The following ARHGAP29 variants were observed in gnomAD, a reference collection of about 807,000 sequenced individuals.
ARHGAP29 encodes Rho GTPase activating protein 29.
ARHGAP29 carries 43 observed loss-of-function variants against 122.6 expected under a neutral mutation model. The observed-to-expected ratio is 0.35, with a 90% confidence interval of 0.27 to 0.45. ARHGAP29 has a LOEUF of 0.45. ARHGAP29 is among the 20% of genes least tolerant of loss of function. The pLI is 1.00. For synonymous variants in ARHGAP29, 506 were observed against 497.1 expected (o/e 1.02, Z -0.24); for missense variants, 1,303 against 1,477.2 (o/e 0.88, Z 1.93).
chr1:94,284,005 C>A, the ARHGAP29 span, among the ~76,000 whole-genome samples: 2 of 150,240 alleles, frequency 1.3e-5, no homozygotes, highest in African/African-American at 4.9e-5. Context: ...AAAAAATGAA[C>A]AATAAATCAC....
intron 12 of ARHGAP29, among the ~76,000 whole-genome samples, chr1:94,199,050 T>C (rs1163008377): frequency 1.3e-5 from 2 of 152,038 alleles, no homozygotes; most frequent in Non-Finnish European, 2.9e-5. Context: ...ATGGAATCAC[T>C]TGGACACAGG....
upstream of ARHGAP29, among the ~76,000 whole-genome samples, chr1:94,241,193 A>T (rs1195289374): frequency 6.6e-6 from 1 of 152,264 alleles, no homozygotes; most frequent in Non-Finnish European, 1.5e-5. Flanking sequence ...AACTTGTTAA[A>T]TTATGCCACA....
the ARHGAP29 span, among the ~76,000 whole-genome samples, chr1:94,300,850 T>A: frequency 6.6e-6 from 1 of 152,196 alleles, no homozygotes; most frequent in Non-Finnish European, 1.5e-5. Flanking sequence ...AGCAGATTAA[T>A]GAATAAATTA....
At chr1:94,195,341 G>A (rs1650388928) in intron 12 of ARHGAP29, 1 of 152,198 alleles carries the variant, frequency 6.6e-6, no homozygotes, top group Non-Finnish European at 1.5e-5. Flanking sequence ...TTCAGTTTAT[G>A]ACAGTGGTGC....
the ARHGAP29 span, among the ~76,000 whole-genome samples, chr1:94,304,142 T>A: frequency 6.6e-6 from 1 of 152,126 alleles, no homozygotes; most frequent in Non-Finnish European, 1.5e-5. Context: ...CCCACCTTTT[T>A]TGGGGGATGG....
rs574296141 is a variant in ARHGAP29, at chr1:94,211,093, T to C, written c.341-1743A>G. 1.9e-3 allele frequency among the ~76,000 whole-genome samples: 293 copies of C among 151,792 alleles called. 2 individuals are homozygous for C. The highest frequency in any genetic ancestry group is 6.8e-3 in the African/African-American group (282 of 41,446). ...TGAGCTCAGAAGTTCAAGACCAGCCTGGGCAACATGGCGAAACCCCATCTC... is the reference window on the plus strand; with the variant it reads ...TGAGCTCAGAAGTTCAAGACCAGCCCGGGCAACATGGCGAAACCCCATCTC... On this transcript the variant is annotated intron_variant, in intron 3 of 22. Coordinates refer to ENST00000260526, the MANE Select transcript of ARHGAP29 (RefSeq NM_004815.4).
In ARHGAP29 at chr1:94,231,541, A is replaced by T. The variant is rs774714155; in HGVS notation, c.71T>A (p.Ile24Asn). ...AWASGQLSTD[I>N]TTSEMGLKSL... is the part of the protein sequence containing the mutation. ...CTTGAGCCCCATTTCAGAAGTTGTA[A>T]TATCAGTAGAGAGTTGACCTGATGC... is the stretch of plus-strand genomic sequence containing the variant. The change falls in exon 2 of 23, where the codon ATT (isoleucine) becomes AAT (asparagine). Residue 24 changes from isoleucine (I) to asparagine (N), a missense_variant. This residue lies in a region of ARHGAP29 where 592 missense variants were observed against 648.2 expected (regional missense o/e 0.91). Coordinates refer to ENST00000260526, the MANE Select transcript of ARHGAP29 (RefSeq NM_004815.4). The T allele has an allele frequency of 2.5e-6, 4 of 1,613,734 alleles. No homozygotes were observed. Among genetic ancestry groups the T allele is most frequent in the African/African-American group, 1.3e-5 (1 of 74,922 alleles).
intron 17 of ARHGAP29, 61 bp from the exon 18 acceptor site, chr1:94,185,121 T>G: frequency 6.8e-7 from 1 of 1,468,350 alleles, no homozygotes; most frequent in Non-Finnish European, 9.2e-7. Flanking sequence ...CTGGGCAAAC[T>G]GCAGGTGGAA....
chr1:94,241,891 G>T (rs1229385884), upstream of ARHGAP29, among the ~76,000 whole-genome samples: 4 of 151,690 alleles, frequency 2.6e-5, no homozygotes, highest in East Asian at 7.7e-4. Context: ...TGAGAGATGG[G>T]ATCATAAACA....
At chr1:94,233,075 G>A (rs1486441844) in intron 1 of ARHGAP29, among the ~76,000 whole-genome samples, 11 of 151,474 alleles carry the variant, frequency 7.3e-5, no homozygotes, top group Admixed American at 6.6e-4. Flanking sequence ...CACCCATGTA[G>A]CTGGGACTCC....
chr1:94,178,063 A>G lies in ARHGAP29; in HGVS notation c.2585T>C (p.Ile862Thr), dbSNP rs368604781. The G allele has an allele frequency of 5.1e-5, 82 of 1,614,062 alleles. No homozygotes were observed. The highest frequency in any genetic ancestry group is 6.7e-5 in the Non-Finnish European group (79 of 1,180,030). ...RPRPTTAPIT[I>T]SSLAEYSNQA... is the part of the protein sequence containing the mutation. ...ATTTGAATACTCTGCAAGGGAGGAG[A>G]TGGTGATAGGAGCAGTTGTGGGCCT... Residue 862 changes from isoleucine (I) to threonine (T), a missense_variant, in exon 21 of 23, where the codon ATC becomes ACC. Ile to Thr is a moderately conservative substitution (Grantham distance 89, BLOSUM62 -1). Around this residue, in one of 3 missense-constraint regions of ARHGAP29, gnomAD observed 620 missense variants for 651.2 expected, o/e 0.95. Transcript: ENST00000260526.
At chr1:94,274,207 T>A (rs540207229) in intron 1 of ARHGAP29, among the ~76,000 whole-genome samples, 2 of 152,286 alleles carry the variant, frequency 1.3e-5, no homozygotes, top group African/African-American at 4.8e-5. Flanking sequence ...GGCCTTACAG[T>A]CTCTGGGTCT....
At chr1:94,271,944 G>C (rs1557897709) in intron 1 of ARHGAP29, among the ~76,000 whole-genome samples, 1 of 152,182 alleles carries the variant, frequency 6.6e-6, no homozygotes, top group Non-Finnish European at 1.5e-5. Flanking sequence ...CCCCCATCTT[G>C]GCAGGAGTAA....
At chr1:94,253,509 T>A (rs2100699890) in intron 1 of ARHGAP29, among the ~76,000 whole-genome samples, 1 of 152,334 alleles carries the variant, frequency 6.6e-6, no homozygotes, top group East Asian at 1.9e-4. Context: ...TTTACTCCTA[T>A]TATTTTGGAG....
chr1:94,241,650 A>ATT (rs1653579446), upstream of ARHGAP29, among the ~76,000 whole-genome samples: 1 of 143,742 alleles, frequency 7.0e-6, no homozygotes. Flanking sequence ...AATTATATAT[A>ATT]TATCTTATAT....
At chr1:94,185,283 A>C (rs985139789) in intron 17 of ARHGAP29, 59 bp downstream of exon 17, 2 of 1,495,230 alleles carry the variant, frequency 1.3e-6, no homozygotes, top group African/African-American at 2.9e-5. Context: ...AAAATTAAAA[A>C]CAAAAAAGTA....
chr1:94,205,524 G>T, intron 6 of ARHGAP29, 111 bp downstream of exon 6: 1 of 1,001,600 alleles, frequency 1.0e-6, no homozygotes, highest in Non-Finnish European at 1.5e-6. Flanking sequence ...ATATCATTTT[G>T]CATTAAAAAT....
chr1:94,276,044 GGCCAGGAGTTCGA>G (rs959523481), upstream of ARHGAP29, among the ~76,000 whole-genome samples: 5 of 152,074 alleles, frequency 3.3e-5, no homozygotes, highest in Non-Finnish European at 5.9e-5. Context: ...GATTACTTGA[GGCCAGGAGTTCGA>G]GACAAGCCTA....
At chr1:94,198,353 G>A (rs543826014) in intron 12 of ARHGAP29, among the ~76,000 whole-genome samples, 4 of 152,002 alleles carry the variant, frequency 2.6e-5, no homozygotes, top group East Asian at 1.9e-4. Context: ...TGGCATGCAC[G>A]TGTAGTCTTA....
Sources: allele counts gnomAD v4.1 joint callset (sites outside exome capture counted in the v4.1 genomes callset), GRCh38; gene constraint gnomAD v4.1.1; regional missense constraint gnomAD v4.1.1; transcripts MANE v1.5; gene names NCBI Gene and HGNC (gene_info 2026-07-23, HGNC 2026-07-21).